Variants in FZD3 observed in about 807,000 individuals in gnomAD.
The protein encoded by FZD3 is frizzled class receptor 3.
FZD3 carries 30 observed loss-of-function variants against 60.7 expected under a neutral mutation model. The ratio of observed to expected loss-of-function variants is 0.49; its 90% CI spans 0.37 to 0.67. The LOEUF (loss-of-function observed/expected upper bound fraction) is 0.67. Among genes scored for constraint, FZD3 ranks in the 30% least tolerant of loss-of-function variants. The pLI is 0.00. For missense variants in FZD3, 605 were observed against 838.7 expected (o/e 0.72, Z 3.44); for synonymous variants, 246 against 275.2 (o/e 0.89, Z 1.05).
At chr8:28,548,525 A>G (rs1055162907) in intron 5 of FZD3, among the ~76,000 whole-genome samples, 1 of 152,042 alleles carries the variant, frequency 6.6e-6, no homozygotes, top group East Asian at 1.9e-4. Context: ...CTTCAGCTCT[A>G]TTTTTTTCTA....
intron 4 of FZD3, among the ~76,000 whole-genome samples, chr8:28,523,828 A>AG (rs1484060004): frequency 2.0e-5 from 3 of 152,170 alleles, no homozygotes; most frequent in Non-Finnish European, 4.4e-5. Context: ...CAGTGTTGAG[A>AG]GGTGAGACCT....
At chr8:28,550,526 C>T (rs1276743906) in intron 5 of FZD3, among the ~76,000 whole-genome samples, 5 of 77,702 alleles carry the variant, frequency 6.4e-5, no homozygotes, top group African/African-American at 1.6e-4. Flanking sequence ...GAGTCTCATT[C>T]TGTTGCCCAA....
At chr8:28,540,391 G>C (rs1376166691) in intron 5 of FZD3, among the ~76,000 whole-genome samples, 1 of 151,984 alleles carries the variant, frequency 6.6e-6, no homozygotes, top group Non-Finnish European at 1.5e-5. Flanking sequence ...CACCACACCA[G>C]GCTAATTTTT....
At chr8:28,553,755 G>A (rs947060717) in intron 6 of FZD3, among the ~76,000 whole-genome samples, 1 of 152,168 alleles carries the variant, frequency 6.6e-6, no homozygotes, top group Non-Finnish European at 1.5e-5. Flanking sequence ...GCATTCAAGA[G>A]CGTGGGCACC....
At position 28,511,952 on chromosome 8, in the gene FZD3, A is replaced by G. The variant is rs559275062; in HGVS notation, c.190-8686A>G. ...TTAATTCATGAACTTTATAAACCCT[A>G]AATCCCTTAGAGGTGGCAGTAGTAA... On this transcript the variant is annotated intron_variant, in intron 3 of 7. Coordinates refer to ENST00000240093, the MANE Select transcript of FZD3 (RefSeq NM_017412.4). Among the ~76,000 whole-genome samples the G allele has an allele frequency of 5.9e-5, 9 of 152,230 alleles. No individual in the cohort carries two copies. In the South Asian group the frequency reaches 1.7e-3, roughly 28 times the overall value.
Position 28,528,095 on chromosome 8 carries a change from C to T in FZD3, c.1335C>T (p.Tyr445=), listed in dbSNP as rs1804765833. The change falls in exon 5 of 8, where the codon TAC becomes TAT. Residue 445 remains tyrosine, a synonymous_variant. Transcript: ENST00000240093. ...GATGCTACTTTTATGAGCAAGCTTA[C>T]CGGGGCATCTGGGAAACAACGTGGA... is the stretch of plus-strand genomic sequence containing the variant. ...VIGCYFYEQA[Y]RGIWETTWIQ... 6.2e-7 allele frequency: 1 copy of T among 1,613,632 alleles called. No individual in the cohort carries two copies. Among genetic ancestry groups the T allele is most frequent in the South Asian group, 1.1e-5 (1 of 91,070 alleles).
chr8:28,523,236 G>A (rs750987008), intron 4 of FZD3, among the ~76,000 whole-genome samples: 1 of 152,142 alleles, frequency 6.6e-6, no homozygotes, highest in Non-Finnish European at 1.5e-5. Context: ...GCGCTGGAGA[G>A]TCTAAGATCA....
At position 28,563,111 on chromosome 8, in the gene FZD3, T is replaced by C. The variant is rs1017214468; in HGVS notation, c.*100T>C. 6.4e-6 allele frequency: 5 copies of C among 780,856 alleles called. No homozygotes were observed. In the African/African-American group the frequency reaches 6.8e-5, roughly 11 times the overall value. 48.4% of individuals were successfully genotyped at this position (780,856 alleles called of 1,614,324 possible). On this transcript the variant is annotated 3_prime_UTR_variant, in exon 8 of 8. Coordinates refer to ENST00000240093, the MANE Select transcript of FZD3 (RefSeq NM_017412.4). ...AGCTGTAACTCACAGTTAACATGCT[T>C]TCAGTCAAGTACAGATTGTGTCCAC...
chr8:28,571,506 T>C lies in FZD3; in HGVS notation c.*8495T>C, dbSNP rs367896096. 30 of 152,324 alleles carry C rather than the reference T, an allele frequency of 2.0e-4. No individual in the cohort carries two copies. Among genetic ancestry groups the C allele is most frequent in the African/African-American group, 7.2e-4 (30 of 41,582 alleles). 9.4% of individuals were successfully genotyped at this position (152,324 alleles called of 1,614,324 possible). ...TGAAAATATTAGTCTGGACATTCTC[T>C]TGCCATCAGGTGCTATTTCTACCTT... On this transcript the variant is annotated 3_prime_UTR_variant, in exon 8 of 8. Coordinates refer to ENST00000240093, the MANE Select transcript of FZD3 (RefSeq NM_017412.4).
chr8:28,525,287 A>T (rs1186508592), intron 4 of FZD3, among the ~76,000 whole-genome samples: 1 of 152,212 alleles, frequency 6.6e-6, no homozygotes, highest in Admixed American at 6.5e-5. Context: ...GTGGTAAATA[A>T]ATAGACAATG....
Position 28,528,171 on chromosome 8 carries a change from G to A in FZD3, c.1404+7G>A. 6.3e-7 allele frequency: 1 copy of A among 1,586,176 alleles called. No individual in the cohort carries two copies. Among genetic ancestry groups the A allele is most frequent in the Non-Finnish European group, 8.6e-7 (1 of 1,166,434 alleles). On this transcript the variant is annotated splice_region_variant and intron_variant, in intron 5 of 7. Coordinates refer to ENST00000240093, the MANE Select transcript of FZD3 (RefSeq NM_017412.4). ...CATTCCATGTCCATATCAGGTAAGG[G>A]AAACCTTGTTACAAATTTCAGAATA...
chr8:28,530,518 A>G (rs1226545312), intron 5 of FZD3: 2 of 152,112 alleles, frequency 1.3e-5, no homozygotes, highest in Non-Finnish European at 2.9e-5. Flanking sequence ...CTACTACATA[A>G]TAAGTGCTCA....
chr8:28,538,740 C>G (rs963054426), intron 5 of FZD3, among the ~76,000 whole-genome samples: 3 of 151,866 alleles, frequency 2.0e-5, no homozygotes, highest in African/African-American at 7.3e-5. Context: ...GGGGTTTTTT[C>G]TCAGGTCTAA....
At chr8:28,515,508 C>A (rs1352034369) in intron 3 of FZD3, among the ~76,000 whole-genome samples, 1 of 152,158 alleles carries the variant, frequency 6.6e-6, no homozygotes, top group Non-Finnish European at 1.5e-5. Flanking sequence ...CTGAGTCTTC[C>A]CCTGGGGTGG....
rs1364874091 is a variant in FZD3 at position 28,567,218 on chromosome 8, A to G, written c.*4207A>G. 2 of 152,460 alleles carry G rather than the reference A, an allele frequency of 1.3e-5. No individual in the cohort carries two copies. The highest frequency in any genetic ancestry group is 2.1e-4 in the South Asian group (1 of 4,824). The allele number at this position is 152,460 out of a possible 1,614,324, so 9.4% of individuals were successfully genotyped here. A position where few individuals can be genotyped will look rare whatever the true frequency, so the allele number is the denominator to read the frequency against. ...GCCCAGGCTGGAGTGCAGTGGCACA[A>G]TCTCAGCTCACTGCAACCTCCACCT... On this transcript the variant is annotated 3_prime_UTR_variant, in exon 8 of 8. Transcript: ENST00000240093.
In FZD3 at chr8:28,566,388, C is replaced by G. The variant is rs530030590; in HGVS notation, c.*3377C>G. 1 of 152,118 alleles carries G rather than the reference C, an allele frequency of 6.6e-6. No homozygotes were observed. Among genetic ancestry groups the G allele is most frequent in the Non-Finnish European group, 1.5e-5 (1 of 67,988 alleles). 9.4% of individuals were successfully genotyped at this position (152,118 alleles called of 1,614,324 possible). A position where few individuals can be genotyped will look rare whatever the true frequency, so the allele number is the denominator to read the frequency against. On this transcript the variant is annotated 3_prime_UTR_variant, in exon 8 of 8. Transcript: ENST00000240093. ...ATTCTTAGAAGTGAGTAATTAGACT[C>G]CTTTTAGTCTTATGCTGTTAGATCT... is the stretch of plus-strand genomic sequence containing the variant.
intron 5 of FZD3, among the ~76,000 whole-genome samples, chr8:28,544,274 A>G (rs182197162): frequency 6.6e-6 from 1 of 152,204 alleles, no homozygotes; most frequent in East Asian, 1.9e-4. Context: ...GCCTTTAAGA[A>G]GTAGTAGTAT....
At chr8:28,497,230 C>T (rs1223491337) in intron 1 of FZD3, among the ~76,000 whole-genome samples, 1 of 152,104 alleles carries the variant, frequency 6.6e-6, no homozygotes, top group Non-Finnish European at 1.5e-5. Flanking sequence ...TAGATGATGA[C>T]AAATGGACTT....
At chr8:28,549,713 A>G (rs1485635649) in intron 5 of FZD3, among the ~76,000 whole-genome samples, 1 of 152,188 alleles carries the variant, frequency 6.6e-6, no homozygotes, top group Non-Finnish European at 1.5e-5. Context: ...GGATTGAGAT[A>G]TAGATACATA....
Sources: allele counts gnomAD v4.1 joint callset (sites outside exome capture counted in the v4.1 genomes callset), GRCh38; gene constraint gnomAD v4.1.1; transcripts MANE v1.5; gene names NCBI Gene and HGNC (gene_info 2026-07-23, HGNC 2026-07-21).